OAS3: variants seen among roughly 807,000 people sequenced by gnomAD.
The protein encoded by OAS3 is 2'-5'-oligoadenylate synthase 3.
In OAS3, 107 loss-of-function variants were observed where a neutral mutation model predicts 113.0. The ratio of observed to expected loss-of-function variants is 0.95; its 90% CI spans 0.81 to 1.11. OAS3 has a LOEUF of 1.11. Among genes scored for constraint, OAS3 ranks in the 50% most tolerant of loss-of-function variants. OAS3 has a pLI of 0.00. For synonymous variants in OAS3, 552 were observed against 573.6 expected (o/e 0.96, Z 0.54); for missense variants, 1,258 against 1,389.1 (o/e 0.91, Z 1.50).
chr12:112,967,692 T>C, intron 13 of OAS3, 99 bp downstream of exon 13: 1 of 1,371,322 alleles, frequency 7.3e-7, no homozygotes, highest in Non-Finnish European at 1.0e-6. Context: ...GCCAAGATCC[T>C]GGGTTGGTGG....
chr12:112,944,055 G>A (rs1006204164), intron 2 of OAS3, among the ~76,000 whole-genome samples: 2 of 152,076 alleles, frequency 1.3e-5, no homozygotes, highest in African/African-American at 2.4e-5. Context: ...TTATTTCTTG[G>A]GCATCGTTTT....
At chr12:112,945,819 G>T (rs927860135) in intron 3 of OAS3, among the ~76,000 whole-genome samples, 23 of 152,228 alleles carry the variant, frequency 1.5e-4, no homozygotes, top group South Asian at 1.0e-3. Flanking sequence ...AATGCTAATA[G>T]CCTGGTACTT....
In OAS3 at chr12:112,965,954, A is replaced by G. The variant is rs1196578024; in HGVS notation, c.2614A>G (p.Ser872Gly). The G allele has an allele frequency of 6.2e-7, 1 of 1,613,984 alleles. No individual in the cohort carries two copies. Among genetic ancestry groups the G allele is most frequent in the African/African-American group, 1.3e-5 (1 of 75,056 alleles). Reference protein sequence around the residue: ...VSKWENPRVLSFSLTSQTMLD... With the variant: ...VSKWENPRVLGFSLTSQTMLD... ...CAAATGGGAGAATCCCCGCGTGCTG[A>G]GCTTCTCACTGACATCCCAGACGAT... The change falls in exon 12 of 16, where the codon AGC becomes GGC. Residue 872 changes from serine (S) to glycine (G), a missense_variant. Transcript: ENST00000228928.
rs1321834925 is a variant in OAS3 at position 112,938,504 on chromosome 12, T to G, written c.-27T>G. 1 of 1,543,588 alleles carries G rather than the reference T, an allele frequency of 6.5e-7. No homozygotes were observed. The highest frequency in any genetic ancestry group is 2.5e-5 in the East Asian group (1 of 40,740). On this transcript the variant is annotated 5_prime_UTR_variant, in exon 1 of 16. Coordinates refer to ENST00000228928, the MANE Select transcript of OAS3 (RefSeq NM_006187.4). ...TCCGAAGGCCGCGCCAGAGCCCTGC[T>G]TCCCCTTGCACCTGCGCCGGGCGGC...
At position 112,954,481 on chromosome 12, in the gene OAS3, AC is replaced by A. The variant is rs1235956441; in HGVS notation, c.1657+3507del. 6.6e-6 allele frequency among the ~76,000 whole-genome samples: 1 copy of A among 152,088 alleles called. No homozygotes were observed. ...AATTTTTTTGTATTTTTTAGTAGAG[AC>A]AGACAGGGTTTCACCATGTTAGCCA... On this transcript the variant is annotated intron_variant, in intron 7 of 15. Transcript: ENST00000228928. The surrounding 1 kb of genome is among the most constrained non-coding windows in gnomAD (Gnocchi z 4.0).
chr12:112,970,158 C>A lies in OAS3; in HGVS notation c.*185C>A. The stretch of plus-strand genomic sequence containing the variant: ...AGTGAATCTGCTCTCCCAGCTCACA[C>A]ACTCCCCTGCCTCCCATGGCTTACA... On this transcript the variant is annotated 3_prime_UTR_variant, in exon 16 of 16. Coordinates refer to ENST00000228928, the MANE Select transcript of OAS3 (RefSeq NM_006187.4). The A allele has an allele frequency of 1.4e-6, 1 of 695,594 alleles. No homozygotes were observed. Among genetic ancestry groups the A allele is most frequent in the Non-Finnish European group, 2.5e-6 (1 of 398,318 alleles). 43.1% of individuals were successfully genotyped at this position (695,594 alleles called of 1,614,324 possible).
chr12:112,942,305 A>C (rs1658218404), intron 2 of OAS3: 1 of 279,440 alleles, frequency 3.6e-6, no homozygotes, highest in Non-Finnish European at 6.8e-6. Context: ...AGATAAAAAT[A>C]GGCCTCTGTG....
chr12:112,941,831 G>A lies in OAS3; in HGVS notation c.439G>A (p.Val147Met). 1 of 1,613,972 alleles carries A rather than the reference G, an allele frequency of 6.2e-7. No homozygotes were observed. The highest frequency in any genetic ancestry group is 8.5e-7 in the Non-Finnish European group (1 of 1,179,890). The change falls in exon 2 of 16, where the codon GTG becomes ATG. Residue 147 changes from valine (V) to methionine (M), a missense_variant. Val to Met is a conservative substitution (Grantham distance 21). Coordinates refer to ENST00000228928, the MANE Select transcript of OAS3 (RefSeq NM_006187.4). Reference protein sequence around the residue: ...DLEDWMDVSLVPAFNVLGQAG... With the variant: ...DLEDWMDVSLMPAFNVLGQAG... ...TGAGGACTGGATGGATGTTAGCCTGGTGCCTGCCTTCAATGTCCTGGGTGA... is the reference window on the plus strand; with the variant it reads ...TGAGGACTGGATGGATGTTAGCCTGATGCCTGCCTTCAATGTCCTGGGTGA...
At chr12:112,951,527 T>C (rs781142592) in intron 7 of OAS3, among the ~76,000 whole-genome samples, 4 of 152,208 alleles carry the variant, frequency 2.6e-5, no homozygotes, top group Non-Finnish European at 5.9e-5. Flanking sequence ...TTATTGTTTG[T>C]TCTTTCATCC....
intron 7 of OAS3, among the ~76,000 whole-genome samples, chr12:112,951,471 TTTA>T (rs2043792007): frequency 6.6e-6 from 1 of 152,142 alleles, no homozygotes; most frequent in South Asian, 2.1e-4. Context: ...ATGCATAATT[TTTA>T]TTATCATTCC....
In OAS3 at chr12:112,947,932, C is replaced by G. The variant is rs752621745; in HGVS notation, c.876-14C>G. On this transcript the variant is annotated splice_polypyrimidine_tract_variant and intron_variant, in intron 4 of 15. Transcript: ENST00000228928. ...CTTGCTAACCAGAACCTTCTTGTCT[C>G]TCTGAAATTGCAGGCCTGTGATCCT... The G allele has an allele frequency of 3.8e-6, 6 of 1,572,786 alleles. No homozygotes were observed. Among genetic ancestry groups the G allele is most frequent in the Non-Finnish European group, 4.3e-6 (5 of 1,159,646 alleles).
chr12:112,949,254 C>A, intron 6 of OAS3, 49 bp downstream of exon 6: 1 of 1,524,672 alleles, frequency 6.6e-7, no homozygotes, highest in Non-Finnish European at 8.9e-7. Flanking sequence ...GAGGGATCAG[C>A]GTGGGGAAGG....
rs2043883693 is a variant in OAS3, at chr12:112,961,329, AT to A, written c.1833+84del. 2.4e-6 allele frequency: 3 copies of A among 1,241,192 alleles called. No individual in the cohort carries two copies. The East Asian group carries it at 7.4e-5, about 31-fold the overall frequency. 76.9% of individuals were successfully genotyped at this position (1,241,192 alleles called of 1,614,324 possible). A position where few individuals can be genotyped will look rare whatever the true frequency, so the allele number is the denominator to read the frequency against. ...CAATCAGTTCCTCCTCTACACCCAC[AT>A]CTCCCCTCCTTTGCTTCTTATTGGT... On this transcript the variant is annotated intron_variant, in intron 8 of 15. Coordinates refer to ENST00000228928, the MANE Select transcript of OAS3 (RefSeq NM_006187.4).
At chr12:112,967,682 G>A in intron 13 of OAS3, 89 bp downstream of exon 13, 1 of 1,432,314 alleles carries the variant, frequency 7.0e-7, no homozygotes, top group Non-Finnish European at 9.5e-7. Flanking sequence ...CCCAGCCCTG[G>A]CCAAGATCCT....
intron 4 of OAS3, 21 bp downstream of exon 4, chr12:112,947,002 A>G (rs374863276): frequency 1.4e-5 from 23 of 1,595,778 alleles, no homozygotes; most frequent in Non-Finnish European, 1.8e-5. Flanking sequence ...ATAGCCCACC[A>G]TCTGCTCTCC....
chr12:112,952,098 C>A (rs188501608), intron 7 of OAS3, among the ~76,000 whole-genome samples: 2 of 152,098 alleles, frequency 1.3e-5, no homozygotes, highest in Admixed American at 6.5e-5. Flanking sequence ...TTTGTTTGGT[C>A]TCTCAATTTC....
chr12:112,969,510 C>T, intron 14 of OAS3, 98 bp from the exon 15 acceptor site: 1 of 1,414,626 alleles, frequency 7.1e-7, no homozygotes, highest in South Asian at 1.2e-5. Context: ...CTAGCCCCTG[C>T]AAAGTGTTAG....
At chr12:112,969,853 G>C in intron 15 of OAS3, 98 bp downstream of exon 15, 5 of 1,587,388 alleles carry the variant, frequency 3.1e-6, no homozygotes, top group Non-Finnish European at 4.3e-6. Context: ...GCAGGGCCCA[G>C]TGATGGCCCC....
In OAS3 at chr12:112,938,485, G is replaced by C; in HGVS notation, c.-46G>C. ...GGGAAAACGAAACCAGAAATCCGAA[G>C]GCCGCGCCAGAGCCCTGCTTCCCCT... On this transcript the variant is annotated 5_prime_UTR_variant, in exon 1 of 16. Coordinates refer to ENST00000228928, the MANE Select transcript of OAS3 (RefSeq NM_006187.4). 6.7e-7 allele frequency: 1 copy of C among 1,493,544 alleles called. No individual in the cohort carries two copies. The highest frequency in any genetic ancestry group is 1.3e-5 in the South Asian group (1 of 77,786). The allele number at this position is 1,493,544 out of a possible 1,614,324, so 92.5% of individuals were successfully genotyped here. A position where few individuals can be genotyped will look rare whatever the true frequency, so the allele number is the denominator to read the frequency against.
Sources: gnomAD v4.1 joint callset for allele counts (sites outside exome capture counted in the v4.1 genomes callset) on GRCh38, gnomAD v4.1.1 for gene constraint, Gnocchi (gnomAD v3.1) non-coding constraint, MANE v1.5 for transcripts, NCBI Gene and HGNC (gene_info 2026-07-23, HGNC 2026-07-21) for gene names.